RALYL: variants seen among roughly 807,000 people sequenced by gnomAD.
The protein encoded by RALYL is RNA-binding Raly-like protein.
A neutral mutation model predicts 35.1 loss-of-function variants in RALYL; 29 were observed. The observed-to-expected ratio is 0.83, with a 90% confidence interval of 0.61 to 1.13. The LOEUF is 1.13. Among genes scored for constraint, RALYL ranks in the 50% most tolerant of loss-of-function variants. The pLI is 0.00. For synonymous variants in RALYL, 120 were observed against 127.6 expected, an observed-to-expected ratio of 0.94 and a Z score of 0.40; for missense variants, 359 against 360.4, an observed-to-expected ratio of 1.00 and a Z score of 0.03.
intron 8 of RALYL, among the ~76,000 whole-genome samples, chr8:84,910,038 T>C (rs1847234529): frequency 6.6e-6 from 1 of 152,074 alleles, no homozygotes; most frequent in Non-Finnish European, 1.5e-5. Flanking sequence ...ACAAATGAGG[T>C]TCAGAAAAGG....
chr8:84,441,132 A>G (rs1476848018), intron 1 of RALYL, among the ~76,000 whole-genome samples: 1 of 152,106 alleles, frequency 6.6e-6, no homozygotes, highest in Non-Finnish European at 1.5e-5. Context: ...AAGCATATTA[A>G]TGTATAAAAC....
chr8:84,547,629 T>G (rs2060452623), intron 2 of RALYL, among the ~76,000 whole-genome samples: 1 of 152,184 alleles, frequency 6.6e-6, no homozygotes, highest in Non-Finnish European at 1.5e-5. Context: ...TCTGCCCACC[T>G]CAGTCTCCCA....
At chr8:84,432,176 A>T (rs867255173) in intron 1 of RALYL, among the ~76,000 whole-genome samples, 7 of 152,142 alleles carry the variant, frequency 4.6e-5, no homozygotes, top group Non-Finnish European at 7.4e-5. Flanking sequence ...ATGAGGTATA[A>T]ATATAGAATG....
intron 2 of RALYL, among the ~76,000 whole-genome samples, chr8:84,646,095 A>G (rs1055618824): frequency 7.2e-5 from 11 of 151,878 alleles, no homozygotes; most frequent in Admixed American, 2.6e-4. Flanking sequence ...TTCTTAGTGA[A>G]AGGCTCCAGA....
Position 84,728,471 on chromosome 8 carries a change from T to C in RALYL, c.257-46108T>C, listed in dbSNP as rs555627760. Among the ~76,000 whole-genome samples, 8 of 151,686 alleles carry C rather than the reference T, an allele frequency of 5.3e-5. No homozygotes were observed. In the South Asian group the frequency reaches 1.7e-3, roughly 32 times the overall value. ...TTTCTTTTGCTGTGCAGAAGCTCTTTAGTTTAATTAGATCCCATTTGTCAA... is the reference window on the plus strand; with the variant it reads ...TTTCTTTTGCTGTGCAGAAGCTCTTCAGTTTAATTAGATCCCATTTGTCAA... On this transcript the variant is annotated intron_variant, in intron 2 of 8. Transcript: ENST00000521268.
chr8:84,273,450 T>C (rs1283130117), intron 1 of RALYL, among the ~76,000 whole-genome samples: 1 of 152,252 alleles, frequency 6.6e-6, no homozygotes, highest in Non-Finnish European at 1.5e-5. Context: ...ACAGTCTTTT[T>C]GTAAGTTAAA....
intron 2 of RALYL, among the ~76,000 whole-genome samples, chr8:84,661,689 A>G (rs1830952927): frequency 6.6e-6 from 1 of 151,444 alleles, no homozygotes; most frequent in Non-Finnish European, 1.5e-5. Flanking sequence ...TGTGCAGGTT[A>G]GTTACATGTG....
chr8:84,760,739 A>C (rs572571857), intron 2 of RALYL, among the ~76,000 whole-genome samples: 2 of 152,212 alleles, frequency 1.3e-5, no homozygotes, highest in East Asian at 3.9e-4. Context: ...ATTTATTCTC[A>C]TAAAAGCAAA....
At position 84,236,845 on chromosome 8, in the gene RALYL, T is replaced by C. The variant is rs139963195; in HGVS notation, c.-24+52421T>C. On this transcript the variant is annotated intron_variant, in intron 1 of 8. Transcript: ENST00000521268. ...TCATGCTTCAAACACAGGTAGAATA[T>C]AATAAAATTATGGGAGATGATGTGT... Among the ~76,000 whole-genome samples, 405 of 152,282 alleles carry C rather than the reference T, an allele frequency of 2.7e-3. 2 individuals are homozygous for C. The highest frequency in any genetic ancestry group is 8.9e-3 in the African/African-American group (368 of 41,580).
chr8:84,641,522 A>G (rs1826322455), intron 2 of RALYL, among the ~76,000 whole-genome samples: 1 of 151,870 alleles, frequency 6.6e-6, no homozygotes, highest in African/African-American at 2.4e-5. Flanking sequence ...ATTTAAAATT[A>G]TACAAAAAGT....
At chr8:84,650,735 G>T (rs1828586293) in intron 2 of RALYL, among the ~76,000 whole-genome samples, 2 of 151,494 alleles carry the variant, frequency 1.3e-5, no homozygotes, top group South Asian at 2.1e-4. Context: ...TATACCCAAA[G>T]GACTATAAAT....
At chr8:84,516,740 T>C (rs940402341) in intron 1 of RALYL, among the ~76,000 whole-genome samples, 1 of 152,178 alleles carries the variant, frequency 6.6e-6, no homozygotes, top group Non-Finnish European at 1.5e-5. Context: ...TATCTGTCTC[T>C]GTTCAGGGTG....
chr8:84,662,627 G>A (rs771094219), intron 2 of RALYL, among the ~76,000 whole-genome samples: 40 of 152,066 alleles, frequency 2.6e-4, no homozygotes, highest in Non-Finnish European at 5.0e-4. Flanking sequence ...TGTTGAACAC[G>A]TGGTAATCAT....
At chr8:84,837,782 G>A (rs918121600) in intron 4 of RALYL, among the ~76,000 whole-genome samples, 3 of 152,100 alleles carry the variant, frequency 2.0e-5, no homozygotes, top group African/African-American at 7.2e-5. Flanking sequence ...ATTAGTAAAG[G>A]TGTACTGGAT....
At chr8:84,402,689 C>T (rs1004085636) in intron 1 of RALYL, among the ~76,000 whole-genome samples, 1 of 152,146 alleles carries the variant, frequency 6.6e-6, no homozygotes, top group Non-Finnish European at 1.5e-5. Flanking sequence ...AGACCATTTC[C>T]AATCCTTACC....
At chr8:84,583,873 A>C (rs1322351329) in intron 2 of RALYL, among the ~76,000 whole-genome samples, 1 of 152,196 alleles carries the variant, frequency 6.6e-6, no homozygotes, top group Non-Finnish European at 1.5e-5. Context: ...GAAATTATTA[A>C]CCCAGTTTAG....
At chr8:84,308,372 A>T (rs1211800875) in intron 1 of RALYL, among the ~76,000 whole-genome samples, 2 of 152,034 alleles carry the variant, frequency 1.3e-5, no homozygotes, top group African/African-American at 4.8e-5. Flanking sequence ...TAAAAAAAAA[A>T]TTATTTAAAA....
chr8:84,825,972 A>T (rs1226844633), intron 4 of RALYL, among the ~76,000 whole-genome samples: 1 of 152,188 alleles, frequency 6.6e-6, no homozygotes, highest in Non-Finnish European at 1.5e-5. Context: ...CTACACAGAC[A>T]TGAAAAATAA....
intron 4 of RALYL, among the ~76,000 whole-genome samples, chr8:84,848,722 T>G (rs189541638): frequency 6.6e-6 from 1 of 152,338 alleles, no homozygotes; most frequent in African/African-American, 2.4e-5. Context: ...GTGGCAATGT[T>G]TGTACAATTT....
Sources: gnomAD v4.1 joint callset for allele counts (sites outside exome capture counted in the v4.1 genomes callset) on GRCh38, gnomAD v4.1.1 for gene constraint, MANE v1.5 for transcripts, NCBI Gene and HGNC (gene_info 2026-07-23, HGNC 2026-07-21) for gene names.